The following CINP variants were observed in gnomAD, a reference collection of about 807,000 sequenced individuals.
The protein encoded by CINP is cyclin-dependent kinase 2-interacting protein.
Under a neutral mutation model 20.5 loss-of-function variants are expected in CINP, and 11 were observed. The observed-to-expected ratio is 0.54, with a 90% confidence interval of 0.34 to 0.89. CINP has a LOEUF of 0.89. Ranked by LOEUF, CINP falls within the 40% of genes least tolerant of loss-of-function variation. CINP has a pLI of 0.02. For missense variants in CINP, 213 were observed against 251.0 expected, an observed-to-expected ratio of 0.85 and a Z score of 1.02; for synonymous variants, 108 against 102.1, an observed-to-expected ratio of 1.06 and a Z score of -0.35.
intron 3 of CINP, among the ~76,000 whole-genome samples, chr14:102,352,087 T>C (rs922296349): frequency 2.6e-5 from 4 of 152,104 alleles, no homozygotes; most frequent in Non-Finnish European, 5.9e-5. Flanking sequence ...GGGGTTTCAC[T>C]GTGTTAGCCA....
intron 2 of CINP, among the ~76,000 whole-genome samples, chr14:102,356,388 AGCCT>A (rs1381397823): frequency 6.6e-6 from 1 of 151,866 alleles, no homozygotes; most frequent in Non-Finnish European, 1.5e-5. Context: ...CACTGCACTC[AGCCT>A]GCACAAAAGA....
At chr14:102,355,941 G>A (rs1886990668) in intron 2 of CINP, 44 bp from the exon 3 acceptor site, 11 of 1,595,238 alleles carry the variant, frequency 6.9e-6, no homozygotes, top group Non-Finnish European at 9.4e-6. Flanking sequence ...TACTCTTTAA[G>A]CTTGCCTTAT....
intron 2 of CINP, 62 bp downstream of exon 2, chr14:102,359,357 C>T: frequency 8.1e-7 from 1 of 1,241,980 alleles, no homozygotes; most frequent in Non-Finnish European, 1.1e-6. Flanking sequence ...AATTTATTCA[C>T]ATTATTTCCC....
At chr14:102,352,901 G>C (rs979446583) in intron 3 of CINP, among the ~76,000 whole-genome samples, 4 of 151,460 alleles carry the variant, frequency 2.6e-5, no homozygotes, top group African/African-American at 9.7e-5. Flanking sequence ...CACCTGCCTC[G>C]GCCTCCTAGA....
intron 1 of CINP, chr14:102,362,592 G>A: frequency 1.4e-6 from 1 of 707,060 alleles, no homozygotes. Flanking sequence ...TGTCGGATCT[G>A]CTGACACTCA....
chr14:102,359,765 T>C (rs936263171), intron 1 of CINP, among the ~76,000 whole-genome samples, 178 bp from the exon 2 acceptor site: 1 of 152,214 alleles, frequency 6.6e-6, no homozygotes, highest in Non-Finnish European at 1.5e-5. Context: ...GAAGACAATA[T>C]AGAATATTTT....
intron 3 of CINP, 54 bp from the exon 4 acceptor site, chr14:102,350,102 G>C: frequency 6.7e-7 from 1 of 1,502,936 alleles, no homozygotes; most frequent in South Asian, 1.2e-5. Flanking sequence ...TCCAGTCTCA[G>C]ATTTAATAAC....
intron 3 of CINP, among the ~76,000 whole-genome samples, chr14:102,355,068 CAA>C (rs1036029762): frequency 3.3e-4 from 28 of 85,910 alleles, no homozygotes; most frequent in Admixed American, 3.9e-4. Context: ...GACTCCATCT[CAA>C]AAAAAAAAAA....
chr14:102,357,504 G>A (rs550199768), intron 2 of CINP, among the ~76,000 whole-genome samples: 20 of 152,222 alleles, frequency 1.3e-4, no homozygotes, highest in Non-Finnish European at 2.6e-4. Context: ...CTACTCCAGT[G>A]AACATGTGAA....
chr14:102,350,784 G>A (rs965501877), intron 3 of CINP, among the ~76,000 whole-genome samples: 3 of 148,512 alleles, frequency 2.0e-5, no homozygotes, highest in Middle Eastern at 3.2e-3. Flanking sequence ...AAATGAGCTC[G>A]TTTCTGATGT....
At chr14:102,355,649 A>C in intron 3 of CINP, 119 bp downstream of exon 3, 14 of 1,124,098 alleles carry the variant, frequency 1.2e-5, no homozygotes, top group Non-Finnish European at 1.7e-5. Context: ...AGGCAGAGGA[A>C]GAGAACATCA....
chr14:102,349,856 C>A (rs560279358), intron 4 of CINP, 63 bp downstream of exon 4: 1 of 1,576,128 alleles, frequency 6.3e-7, no homozygotes, highest in African/African-American at 1.4e-5. Flanking sequence ...CAGATGTAAA[C>A]GATACTAAAT....
chr14:102,356,782 T>G (rs1333072870), intron 2 of CINP, among the ~76,000 whole-genome samples: 1 of 152,188 alleles, frequency 6.6e-6, no homozygotes, highest in Non-Finnish European at 1.5e-5. Context: ...TTAATTGTTT[T>G]GAGGTGCCAT....
chr14:102,348,346 C>G lies in CINP; in HGVS notation c.*211G>C, dbSNP rs1449962609. Reference sequence around the variant, plus strand: ...ACGAATGACAGATTCCCAGGAGGGGCAGAGAAGGCTGAGCAGCACCACGTG... The same window carrying G: ...ACGAATGACAGATTCCCAGGAGGGGGAGAGAAGGCTGAGCAGCACCACGTG... On this transcript the variant is annotated 3_prime_UTR_variant, in exon 5 of 5. Transcript: ENST00000216756. The G allele has an allele frequency of 3.4e-5, 19 of 566,572 alleles. No homozygotes were observed. The highest frequency in any genetic ancestry group is 3.2e-6 in the Non-Finnish European group (1 of 317,422). 35.1% of individuals were successfully genotyped at this position (566,572 alleles called of 1,614,324 possible).
intron 3 of CINP, chr14:102,355,558 T>C: frequency 4.1e-6 from 2 of 493,164 alleles, no homozygotes; most frequent in Non-Finnish European, 7.0e-6. Flanking sequence ...GCCCTGAAAG[T>C]GGGTGACATT....
chr14:102,355,858 G>T lies in CINP; in HGVS notation c.216C>A (p.Ala72=), dbSNP rs750082264. The T allele has an allele frequency of 6.2e-7, 1 of 1,614,146 alleles. No homozygotes were observed. Among genetic ancestry groups the T allele is most frequent in the Admixed American group, 1.7e-5 (1 of 60,018 alleles). The change falls in exon 3 of 5, where the codon GCC becomes GCA. Residue 72 remains alanine (A), a synonymous_variant. Coordinates refer to ENST00000216756, the MANE Select transcript of CINP (RefSeq NM_032630.3). ...DKIELDSSSP[A]SKENEEKVCL... is the part of the protein sequence containing the mutation. Reference sequence around the variant, plus strand: ...ACACCTTTTCTTCATTTTCCTTCGAGGCTGGGCTGCTGCTGTCTAGTTCTA... The same window carrying T: ...ACACCTTTTCTTCATTTTCCTTCGATGCTGGGCTGCTGCTGTCTAGTTCTA...
At chr14:102,354,660 G>A (rs773149742) in intron 3 of CINP, among the ~76,000 whole-genome samples, 6 of 152,170 alleles carry the variant, frequency 3.9e-5, no homozygotes, top group Non-Finnish European at 5.9e-5. Context: ...GGAAGGTTGA[G>A]GCACAAGAAT....
rs1290917523 is a variant in CINP at position 102,351,878 on chromosome 14, TTTTG to T, written c.307-1834_307-1831del. Among the ~76,000 whole-genome samples, 4 of 151,904 alleles carry T rather than the reference TTTTG, an allele frequency of 2.6e-5. No homozygotes were observed. Among genetic ancestry groups the T allele is most frequent in the African/African-American group, 9.7e-5 (4 of 41,338 alleles). On this transcript the variant is annotated intron_variant, in intron 3 of 4. Transcript: ENST00000216756. The surrounding 1 kb of genome is among the most constrained non-coding windows in gnomAD (Gnocchi z 4.2). Reference sequence around the variant, plus strand: ...GCCTTCTGACACCAAGTTTTTTTGTTTTTGTTTTTGTTTTTGTTTTTTTTGAGAC... The same window carrying T: ...GCCTTCTGACACCAAGTTTTTTTGTTTTTTTGTTTTTGTTTTTTTTGAGAC...
At chr14:102,352,176 G>T (rs989064019) in intron 3 of CINP, among the ~76,000 whole-genome samples, 4 of 152,092 alleles carry the variant, frequency 2.6e-5, no homozygotes, top group African/African-American at 9.7e-5. Context: ...GTGAGCCACC[G>T]CGCCCAGCCG....
Sources: allele counts gnomAD v4.1 joint callset (sites outside exome capture counted in the v4.1 genomes callset), GRCh38; gene constraint gnomAD v4.1.1; non-coding constraint Gnocchi (gnomAD v3.1); transcripts MANE v1.5; gene names NCBI Gene and HGNC (gene_info 2026-07-23, HGNC 2026-07-21).